Variants in TNIK observed in about 807,000 individuals in gnomAD.
TNIK encodes the protein TRAF2 and NCK interacting kinase, also known as TRAF2 and NCK-interacting protein kinase.
Under a neutral mutation model 191.3 loss-of-function variants are expected in TNIK, and 49 were observed. The observed-to-expected ratio is 0.26, with a 90% CI of 0.20 to 0.32. The LOEUF (loss-of-function observed/expected upper bound fraction) is 0.32. TNIK is among the 10% of genes least tolerant of loss of function. The probability of loss-of-function intolerance (pLI) is 1.00; values close to 1 mark genes in which losing one functional copy is unlikely to be tolerated. For synonymous variants in TNIK, 594 were observed against 600.9 expected (o/e 0.99, Z 0.17); for missense variants, 1,155 against 1,702.3 (o/e 0.68, Z 5.66).
At chr3:171,197,909 C>G (rs972163531) in intron 4 of TNIK, among the ~76,000 whole-genome samples, 1 of 152,116 alleles carries the variant, frequency 6.6e-6, no homozygotes, top group Non-Finnish European at 1.5e-5. Context: ...AATTCCACTT[C>G]TAGAAGTATA....
intron 1 of TNIK, among the ~76,000 whole-genome samples, chr3:171,422,789 T>G (rs1723999897): frequency 6.6e-6 from 1 of 152,192 alleles, no homozygotes; most frequent in South Asian, 2.1e-4. Context: ...GAGTTCTCAT[T>G]AGTGAGTTCT....
At chr3:171,092,978 T>C (rs1300711960) in intron 23 of TNIK, among the ~76,000 whole-genome samples, 1 of 152,230 alleles carries the variant, frequency 6.6e-6, no homozygotes, top group Non-Finnish European at 1.5e-5. Context: ...TATTGAATGC[T>C]TAATTTACTA....
At chr3:171,135,804 ACTGCTAGGAGC>A (rs1328213099) in intron 15 of TNIK, among the ~76,000 whole-genome samples, 1 of 152,168 alleles carries the variant, frequency 6.6e-6, no homozygotes, top group Admixed American at 6.5e-5. Flanking sequence ...TGTTTCTTTT[ACTGCTAGGAGC>A]CTGACCAGGA....
intron 18 of TNIK, among the ~76,000 whole-genome samples, chr3:171,122,695 C>T (rs745984528): frequency 1.6e-4 from 25 of 152,184 alleles, no homozygotes; most frequent in Non-Finnish European, 2.9e-4. Context: ...TTCTCTCTTA[C>T]TAGCAAAGGA....
intron 9 of TNIK, among the ~76,000 whole-genome samples, chr3:171,170,759 C>T (rs143154785): frequency 5.3e-4 from 80 of 152,254 alleles, no homozygotes; most frequent in Admixed American, 1.4e-3. Flanking sequence ...GAGCAGAAAT[C>T]CCCACTTCTG....
chr3:171,153,414 GTAC>G lies in TNIK; in HGVS notation c.1221+4043_1221+4045del, dbSNP rs1229819577. ...CTACCATAATCCAACTGCATGGATT[GTAC>G]TACTACTATTACTGTTGGCTGCTCT... On this transcript the variant is annotated intron_variant, in intron 12 of 32. Coordinates refer to ENST00000436636, the MANE Select transcript of TNIK (RefSeq NM_015028.4). 5.3e-5 allele frequency among the ~76,000 whole-genome samples: 8 copies of G among 152,222 alleles called. No individual in the cohort carries two copies. In the South Asian group the frequency reaches 1.7e-3, roughly 32 times the overall value.
intron 28 of TNIK, among the ~76,000 whole-genome samples, chr3:171,075,114 C>T (rs147075983): frequency 6.6e-6 from 1 of 152,310 alleles, no homozygotes; most frequent in Non-Finnish European, 1.5e-5. Flanking sequence ...AGATAATATT[C>T]AGAAATTTTG....
chr3:171,215,637 G>C (rs539504342), intron 3 of TNIK, among the ~76,000 whole-genome samples: 27 of 152,246 alleles, frequency 1.8e-4, no homozygotes, highest in African/African-American at 6.0e-4. Flanking sequence ...TCTTAAGCCA[G>C]GGCAGAAGAG....
At chr3:171,235,255 T>G (rs994064683) in intron 2 of TNIK, among the ~76,000 whole-genome samples, 3 of 152,210 alleles carry the variant, frequency 2.0e-5, no homozygotes, top group South Asian at 2.1e-4. Context: ...TTGGCCAGGC[T>G]GGTCTTGAAC....
At chr3:171,307,212 G>A (rs988603653) in intron 2 of TNIK, among the ~76,000 whole-genome samples, 3 of 152,060 alleles carry the variant, frequency 2.0e-5, no homozygotes, top group Non-Finnish European at 4.4e-5. Context: ...AAACAGGCTG[G>A]TGGTGGCAAA....
At chr3:171,190,853 G>T in intron 5 of TNIK, 66 bp from the exon 6 acceptor site, 1 of 1,261,990 alleles carries the variant, frequency 7.9e-7, no homozygotes, top group Non-Finnish European at 1.1e-6. Flanking sequence ...AAATTATTTT[G>T]ACTGTTAAGG....
chr3:171,419,006 C>A (rs1321410638), intron 1 of TNIK, among the ~76,000 whole-genome samples: 1 of 152,110 alleles, frequency 6.6e-6, no homozygotes, highest in African/African-American at 2.4e-5. Context: ...CCCCATATGG[C>A]AGAGAGAGAG....
chr3:171,083,830 T>C (rs980186440), intron 26 of TNIK, among the ~76,000 whole-genome samples: 2 of 152,172 alleles, frequency 1.3e-5, no homozygotes, highest in Non-Finnish European at 2.9e-5. Context: ...TCGCCTCTGA[T>C]TGATCACATT....
intron 8 of TNIK, 88 bp from the exon 9 acceptor site, chr3:171,175,418 A>G: frequency 9.3e-7 from 1 of 1,077,304 alleles, no homozygotes; most frequent in South Asian, 1.6e-5. Context: ...ATGGCTGCCC[A>G]ATGACCCACT....
chr3:171,072,201 G>T (rs1277412686), intron 28 of TNIK, among the ~76,000 whole-genome samples: 4 of 152,290 alleles, frequency 2.6e-5, no homozygotes, highest in African/African-American at 9.6e-5. Context: ...GTAATCCACA[G>T]TTGGTACACA....
chr3:171,209,738 A>G (rs527641236), intron 4 of TNIK, among the ~76,000 whole-genome samples: 1 of 152,212 alleles, frequency 6.6e-6, no homozygotes, highest in African/African-American at 2.4e-5. Flanking sequence ...GATGAGCCTT[A>G]TGGAAAAAAA....
At chr3:171,393,751 T>C (rs1337759780) in intron 1 of TNIK, among the ~76,000 whole-genome samples, 3 of 152,356 alleles carry the variant, frequency 2.0e-5, no homozygotes, top group East Asian at 3.9e-4. Context: ...TTTGTCAAAC[T>C]AAGGGAAGCT....
intron 12 of TNIK, among the ~76,000 whole-genome samples, chr3:171,143,360 C>T (rs1384687429): frequency 6.6e-6 from 1 of 152,188 alleles, no homozygotes; most frequent in Non-Finnish European, 1.5e-5. Flanking sequence ...AGTCCCTGGC[C>T]TCAGGCAGAC....
At chr3:171,285,686 C>A in intron 2 of TNIK, among the ~76,000 whole-genome samples, 1 of 152,198 alleles carries the variant, frequency 6.6e-6, no homozygotes, top group East Asian at 1.9e-4. Flanking sequence ...AAATTAACCC[C>A]TATTCCTCCA....
Sources: allele counts gnomAD v4.1 joint callset (sites outside exome capture counted in the v4.1 genomes callset), GRCh38; gene constraint gnomAD v4.1.1; transcripts MANE v1.5; gene names NCBI Gene and HGNC (gene_info 2026-07-23, HGNC 2026-07-21).